STAU2: variants seen among roughly 807,000 people sequenced by gnomAD.
STAU2 encodes the protein double-stranded RNA-binding protein Staufen homolog 2.
In STAU2, 20 loss-of-function variants were observed where a neutral mutation model predicts 65.9. That is an observed-to-expected ratio of 0.30 (90% confidence interval 0.21 to 0.44). STAU2 has a LOEUF of 0.44. STAU2 is among the 20% of genes least tolerant of loss of function. The probability of loss-of-function intolerance (pLI) is 1.00; values close to 1 mark genes in which losing one functional copy is unlikely to be tolerated. For missense variants in STAU2, 558 were observed against 683.9 expected, an observed-to-expected ratio of 0.82 and a Z score of 2.05; for synonymous variants, 232 against 233.9, an observed-to-expected ratio of 0.99 and a Z score of 0.07.
At chr8:73,601,797 T>C (rs1356269039) in intron 10 of STAU2, among the ~76,000 whole-genome samples, 2 of 152,218 alleles carry the variant, frequency 1.3e-5, no homozygotes, top group Admixed American at 6.5e-5. Context: ...GTACTCAATA[T>C]ACTCTGTAGA....
chr8:73,439,981 C>G (rs1818012055), intron 13 of STAU2: 1 of 152,274 alleles, frequency 6.6e-6, no homozygotes, highest in Non-Finnish European at 1.5e-5. Flanking sequence ...AGAGCCCGAC[C>G]ATGTCCTGGA....
chr8:73,516,847 C>G (rs577667070), intron 13 of STAU2, among the ~76,000 whole-genome samples: 1 of 152,076 alleles, frequency 6.6e-6, no homozygotes, highest in South Asian at 2.1e-4. Flanking sequence ...TTCCATTGAT[C>G]ATCACTTTAA....
chr8:73,687,342 A>ATTTATATTTATAAATATAAATTATC (rs1818964522), intron 5 of STAU2, among the ~76,000 whole-genome samples: 1 of 86,928 alleles, frequency 1.2e-5, no homozygotes, highest in African/African-American at 4.4e-5. Context: ...TATAATTTAT[A>ATTTATATTTATAAATATAAATTATC]TTTATAATTT....
intron 13 of STAU2, among the ~76,000 whole-genome samples, chr8:73,493,430 T>A (rs1821241953): frequency 6.6e-6 from 1 of 151,700 alleles, no homozygotes; most frequent in Admixed American, 6.6e-5. Context: ...GAAATATAAC[T>A]TAATAATGAA....
In STAU2 at chr8:73,534,911, C is replaced by A. The variant is rs544164848; in HGVS notation, c.1530+17101G>T. ...ATGGATAAATAAATGAATGAAATTA[C>A]ATTACACAGACTGAGACACAACTTG... On this transcript the variant is annotated intron_variant, in intron 13 of 14. Transcript: ENST00000524300. Among the ~76,000 whole-genome samples, 16 of 152,320 alleles carry A rather than the reference C, an allele frequency of 1.1e-4. No homozygotes were observed. The East Asian group carries it at 2.5e-3, about 24-fold the overall frequency.
rs563338264 is a variant in STAU2, at chr8:73,631,427, C to T, written c.411-13976G>A. 1.5e-4 allele frequency among the ~76,000 whole-genome samples: 22 copies of T among 148,604 alleles called. No homozygotes were observed. In the Middle Eastern group the frequency reaches 0.017, roughly 117 times the overall value. The stretch of plus-strand genomic sequence containing the variant: ...AAATGAACACCAATGCAGTTCAAAA[C>T]ACCAAGCAGTGTGCAGAAGATAAGC... On this transcript the variant is annotated intron_variant, in intron 6 of 14. Transcript: ENST00000524300.
At chr8:73,714,975 G>C (rs765655207) in intron 3 of STAU2, among the ~76,000 whole-genome samples, 87 of 151,726 alleles carry the variant, frequency 5.7e-4, no homozygotes, top group Non-Finnish European at 1.2e-3. Flanking sequence ...CAGCTACTCA[G>C]GAGGCTGAGG....
chr8:73,494,069 G>T (rs745674296), intron 13 of STAU2, among the ~76,000 whole-genome samples: 1 of 151,752 alleles, frequency 6.6e-6, no homozygotes, highest in Non-Finnish European at 1.5e-5. Context: ...AACTTATTGT[G>T]ATGATAACGT....
rs377147242 is a variant in STAU2 at position 73,692,190 on chromosome 8, C to T, written c.115-3377G>A. Among the ~76,000 whole-genome samples, 34 of 151,142 alleles carry T rather than the reference C, an allele frequency of 2.2e-4. No individual in the cohort carries two copies. In the South Asian group the frequency reaches 5.7e-3, roughly 25 times the overall value. On this transcript the variant is annotated intron_variant, in intron 4 of 14. Transcript: ENST00000524300. ...TTCCCTTCTCACACACTTCATCCTA[C>T]GTACTTCTTTTTTTTTTTTTTCCCC...
intron 4 of STAU2, among the ~76,000 whole-genome samples, chr8:73,701,212 T>G (rs1388677320): frequency 6.6e-6 from 1 of 151,894 alleles, no homozygotes; most frequent in Non-Finnish European, 1.5e-5. Flanking sequence ...GATGCTGGAG[T>G]GGGCAAACAT....
At chr8:73,546,842 A>G (rs1236709026) in intron 13 of STAU2, among the ~76,000 whole-genome samples, 1 of 152,238 alleles carries the variant, frequency 6.6e-6, no homozygotes, top group Non-Finnish European at 1.5e-5. Flanking sequence ...CCTGAAGAGT[A>G]CCATAATTAA....
At chr8:73,554,946 T>C (rs530627778) in intron 12 of STAU2, among the ~76,000 whole-genome samples, 1 of 152,338 alleles carries the variant, frequency 6.6e-6, no homozygotes, top group South Asian at 2.1e-4. Context: ...CATCTTTATT[T>C]CTATTGTTCG....
At chr8:73,603,949 AC>A in intron 9 of STAU2, 86 bp from the exon 10 acceptor site, 10 of 1,336,180 alleles carry the variant, frequency 7.5e-6, no homozygotes, top group Non-Finnish European at 1.0e-5. Flanking sequence ...TCTTCCCTCC[AC>A]CCCCACACCC....
chr8:73,555,545 CAACAACAACAAA>C (rs1228133739), intron 12 of STAU2, among the ~76,000 whole-genome samples: 2 of 151,576 alleles, frequency 1.3e-5, no homozygotes, highest in African/African-American at 4.9e-5. Flanking sequence ...CAAAGAGAAA[CAACAACAACAAA>C]AACAACAACA....
chr8:73,433,845 G>A (rs1234852511), intron 13 of STAU2, among the ~76,000 whole-genome samples: 1 of 151,724 alleles, frequency 6.6e-6, no homozygotes, highest in Non-Finnish European at 1.5e-5. Context: ...CCTTTGTCAC[G>A]GGGCTTACTG....
chr8:73,746,148 C>G (rs955817316), intron 1 of STAU2, among the ~76,000 whole-genome samples: 34 of 152,142 alleles, frequency 2.2e-4, no homozygotes, highest in Non-Finnish European at 3.8e-4. Flanking sequence ...TTTGTCCCCT[C>G]GGCCCCACCT....
chr8:73,731,825 G>T (rs935313360), intron 3 of STAU2, among the ~76,000 whole-genome samples: 1 of 152,036 alleles, frequency 6.6e-6, no homozygotes, highest in African/African-American at 2.4e-5. Flanking sequence ...TGTAGTCCCA[G>T]CTACTCAGGA....
Position 73,471,998 on chromosome 8 carries a change from T to C in STAU2, c.1531-49296A>G, listed in dbSNP as rs573018573. Among the ~76,000 whole-genome samples, 5 of 152,226 alleles carry C rather than the reference T, an allele frequency of 3.3e-5. No homozygotes were observed. In the East Asian group the frequency reaches 9.7e-4, roughly 29 times the overall value. The stretch of plus-strand genomic sequence containing the variant: ...CCCTTGAAATTTGTCAGATATTACA[T>C]ACCTACGTTGTTTGAGCTAAATGCT... On this transcript the variant is annotated intron_variant, in intron 13 of 14. Transcript: ENST00000524300.
chr8:73,616,102 A>T (rs1812817018), intron 7 of STAU2, among the ~76,000 whole-genome samples: 1 of 151,794 alleles, frequency 6.6e-6, no homozygotes, highest in Non-Finnish European at 1.5e-5. Flanking sequence ...TACCCACCCA[A>T]CCCCCAACAC....
Sources: gnomAD v4.1 joint callset for allele counts (sites outside exome capture counted in the v4.1 genomes callset) on GRCh38, gnomAD v4.1.1 for gene constraint, MANE v1.5 for transcripts, NCBI Gene and HGNC (gene_info 2026-07-23, HGNC 2026-07-21) for gene names.